The following NYAP2 variants were observed in gnomAD, a reference collection of about 807,000 sequenced individuals.
The protein encoded by NYAP2 is neuronal tyrosine-phosphorylated phosphoinositide-3-kinase adapter 2.
NYAP2 carries 23 observed loss-of-function variants against 50.4 expected under a neutral mutation model. The observed-to-expected ratio is 0.46, with a 90% CI of 0.33 to 0.65. The LOEUF (loss-of-function observed/expected upper bound fraction) is 0.65. NYAP2 is among the 30% of genes least tolerant of loss of function. NYAP2 has a pLI of 0.02. For synonymous variants in NYAP2, 394 were observed against 365.2 expected, an observed-to-expected ratio of 1.08 and a Z score of -0.90; for missense variants, 885 against 861.0, an observed-to-expected ratio of 1.03 and a Z score of -0.35.
intron 4 of NYAP2, among the ~76,000 whole-genome samples, chr2:225,552,549 TTCTC>T (rs1009929219): frequency 6.6e-6 from 1 of 151,982 alleles, no homozygotes. Context: ...AGGGAGAGCT[TTCTC>T]TCTCTTTCTC....
At chr2:225,651,496 C>G in exon 7 of NYAP2, 1 of 1,613,994 alleles carries the variant, frequency 6.2e-7, no homozygotes, top group Non-Finnish European at 8.5e-7. Flanking sequence ...CTCCATCAGT[C>G]ACTCCCCTCA....
rs369841045 is a variant in NYAP2, at chr2:225,582,248, C to T, written c.831C>T (p.Asp277=). The T allele has an allele frequency of 6.2e-7, 1 of 1,614,036 alleles. No individual in the cohort carries two copies. The highest frequency in any genetic ancestry group is 8.5e-7 in the Non-Finnish European group (1 of 1,179,892). Residue 277 remains aspartate, a synonymous_variant, in exon 5 of 7, where the codon GAC becomes GAT. Coordinates refer to ENST00000636099, the Ensembl canonical transcript of NYAP2. This position sits in a 1 kb window ranked among gnomAD's most constrained non-coding sequence, Gnocchi z 7.0. ...AGGAAATGAAGTACCCTATCTTTGA[C>T]GACTTGGGCCAAGACGCCAAATGTG... is the stretch of plus-strand genomic sequence containing the variant.
At chr2:225,413,333 G>T (rs964854720) in intron 3 of NYAP2, among the ~76,000 whole-genome samples, 2 of 152,034 alleles carry the variant, frequency 1.3e-5, no homozygotes, top group African/African-American at 4.8e-5. Flanking sequence ...TAAAAAATAG[G>T]ACAGGAGGAG....
chr2:225,402,263 A>G (rs1271462328), intron 2 of NYAP2, among the ~76,000 whole-genome samples: 3 of 152,050 alleles, frequency 2.0e-5, no homozygotes, highest in Admixed American at 1.3e-4. Context: ...TAGAAAGAGA[A>G]GTGTAAAAAT....
At chr2:225,614,615 T>C (rs1301934520) in intron 5 of NYAP2, among the ~76,000 whole-genome samples, 3 of 152,220 alleles carry the variant, frequency 2.0e-5, no homozygotes. Flanking sequence ...TTTGTCAACC[T>C]AATTTCTCTA....
intron 4 of NYAP2, among the ~76,000 whole-genome samples, chr2:225,525,930 A>G (rs1691142660): frequency 6.6e-6 from 1 of 152,206 alleles, no homozygotes; most frequent in East Asian, 1.9e-4. Context: ...TAGAGGGGCC[A>G]TGTGGTAAGG....
chr2:225,609,480 A>G (rs1455863170), intron 5 of NYAP2, among the ~76,000 whole-genome samples: 1 of 152,180 alleles, frequency 6.6e-6, no homozygotes. Flanking sequence ...AAACTCAAGG[A>G]AAGAAGACAG....
At chr2:225,611,809 A>G (rs928959008) in intron 5 of NYAP2, among the ~76,000 whole-genome samples, 6 of 151,718 alleles carry the variant, frequency 4.0e-5, no homozygotes, top group Admixed American at 6.6e-5. Context: ...AGACAGATAC[A>G]GTAAAGGCAT....
At chr2:225,542,963 G>A (rs1312416900) in intron 4 of NYAP2, among the ~76,000 whole-genome samples, 3 of 151,926 alleles carry the variant, frequency 2.0e-5, no homozygotes, top group Admixed American at 6.6e-5. Context: ...CGTCTGTTCA[G>A]TTTTTGAATT....
the NYAP2 span, among the ~76,000 whole-genome samples, chr2:225,690,593 G>A: frequency 6.6e-6 from 1 of 152,082 alleles, no homozygotes; most frequent in African/African-American, 2.4e-5. Context: ...ATTAAAAAGA[G>A]TTGACCTAAT....
the NYAP2 span, among the ~76,000 whole-genome samples, chr2:225,671,960 T>A: frequency 1.3e-5 from 2 of 152,122 alleles, no homozygotes; most frequent in African/African-American, 4.8e-5. Context: ...TAATAAATAA[T>A]GCTGTAAACA....
At chr2:225,698,228 A>G in the NYAP2 span, 3 of 152,004 alleles carry the variant, frequency 2.0e-5, no homozygotes, top group Non-Finnish European at 4.4e-5. Context: ...AACAGCTGAC[A>G]TTGTTCTAAG....
intron 3 of NYAP2, among the ~76,000 whole-genome samples, chr2:225,440,337 T>C (rs1369725983): frequency 6.6e-6 from 1 of 152,216 alleles, no homozygotes; most frequent in African/African-American, 2.4e-5. Context: ...AGTGAAAATA[T>C]TAGCTGATAA....
intron 3 of NYAP2, among the ~76,000 whole-genome samples, chr2:225,513,108 C>T (rs1425420692): frequency 6.6e-6 from 1 of 152,088 alleles, no homozygotes; most frequent in Non-Finnish European, 1.5e-5. Context: ...TTTTAAGCCA[C>T]TGATAAGATT....
intron 6 of NYAP2, among the ~76,000 whole-genome samples, chr2:225,639,957 G>A (rs1165052969): frequency 6.6e-6 from 1 of 152,082 alleles, no homozygotes; most frequent in Non-Finnish European, 1.5e-5. Flanking sequence ...CATAATTGAG[G>A]AGCTAAAAGG....
chr2:225,535,486 G>A (rs1326397433), intron 4 of NYAP2, among the ~76,000 whole-genome samples: 1 of 152,204 alleles, frequency 6.6e-6, no homozygotes, highest in East Asian at 1.9e-4. Flanking sequence ...AAGGAGGTCA[G>A]TGTTGAGGGA....
chr2:225,456,916 C>T (rs544850707), intron 3 of NYAP2, among the ~76,000 whole-genome samples: 10 of 152,266 alleles, frequency 6.6e-5, no homozygotes, highest in African/African-American at 2.2e-4. Context: ...AAAGACTTTC[C>T]CCCCTTCTTC....
chr2:225,449,959 T>G (rs1689625145), intron 3 of NYAP2, among the ~76,000 whole-genome samples: 1 of 152,110 alleles, frequency 6.6e-6, no homozygotes, highest in African/African-American at 2.4e-5. Flanking sequence ...CATTCCTGTA[T>G]CTGATAATCT....
At chr2:225,515,057 CT>C (rs986508971) in intron 4 of NYAP2, among the ~76,000 whole-genome samples, 3 of 152,178 alleles carry the variant, frequency 2.0e-5, no homozygotes, top group Non-Finnish European at 4.4e-5. Context: ...TCTCTCCTTC[CT>C]CTCTCATTGG....
Sources: allele counts gnomAD v4.1 joint callset (sites outside exome capture counted in the v4.1 genomes callset), GRCh38; gene constraint gnomAD v4.1.1; non-coding constraint Gnocchi (gnomAD v3.1); transcripts MANE v1.5; gene names NCBI Gene and HGNC (gene_info 2026-07-23, HGNC 2026-07-21).